Variants in RPS6KC1 observed in about 807,000 individuals in gnomAD.
RPS6KC1 encodes ribosomal protein S6 kinase C1, also known as inactive ribosomal protein S6 kinase delta-1.
In RPS6KC1, 54 loss-of-function variants were observed where a neutral mutation model predicts 103.8. That is an observed-to-expected ratio of 0.52 (90% CI 0.42 to 0.65). The LOEUF (loss-of-function observed/expected upper bound fraction) is 0.65, where lower values mean the gene tolerates loss of function less well. Among genes scored for constraint, RPS6KC1 ranks in the 30% least tolerant of loss-of-function variants. The probability of loss-of-function intolerance (pLI) is 0.00; values close to 1 mark genes in which losing one functional copy is unlikely to be tolerated. For synonymous variants in RPS6KC1, 439 were observed against 438.7 expected, an observed-to-expected ratio of 1.00 and a Z score of -0.01; for missense variants, 1,151 against 1,253.8, an observed-to-expected ratio of 0.92 and a Z score of 1.24.
At chr1:213,059,489 G>A (rs1332369333) in intron 1 of RPS6KC1, among the ~76,000 whole-genome samples, 2 of 152,040 alleles carry the variant, frequency 1.3e-5, no homozygotes, top group Non-Finnish European at 2.9e-5. Context: ...GAGTTTTTGT[G>A]TATGGGAGGC....
At chr1:213,802,418 G>A in the RPS6KC1 span, among the ~76,000 whole-genome samples, 1 of 152,128 alleles carries the variant, frequency 6.6e-6, no homozygotes, top group African/African-American at 2.4e-5. Context: ...GCTATTTGAT[G>A]GTAAAGATTC....
At chr1:213,334,110 A>C in the RPS6KC1 span, among the ~76,000 whole-genome samples, 2 of 152,206 alleles carry the variant, frequency 1.3e-5, no homozygotes, top group African/African-American at 2.4e-5. Context: ...GATGATAATA[A>C]TAACAATAGT....
In RPS6KC1 at chr1:213,274,435, G is replaced by A. The variant is rs1433637043; in HGVS notation, c.*1801G>A. ...ATGATTTGAGTCTCTTGGATTCAAA[G>A]GACATTAATGTCAACAGATGGTTGC... On this transcript the variant is annotated 3_prime_UTR_variant, in exon 15 of 15. Transcript: ENST00000366960. 6.6e-6 allele frequency: 1 copy of A among 152,218 alleles called. No individual in the cohort carries two copies. The highest frequency in any genetic ancestry group is 1.9e-4 in the East Asian group (1 of 5,198). The allele number at this position is 152,218 out of a possible 1,614,324, so 9.4% of individuals were successfully genotyped here. A position where few individuals can be genotyped will look rare whatever the true frequency, so the allele number is the denominator to read the frequency against.
the RPS6KC1 span, among the ~76,000 whole-genome samples, chr1:213,541,264 G>A: frequency 1.1e-4 from 17 of 150,578 alleles, no homozygotes; most frequent in Admixed American, 4.0e-4. Flanking sequence ...GGTGCAGTTC[G>A]TGGAGCCCCC....
intron 6 of RPS6KC1, among the ~76,000 whole-genome samples, chr1:213,138,277 AT>A (rs959171703): frequency 2.3e-4 from 34 of 148,256 alleles, no homozygotes; most frequent in Middle Eastern, 3.5e-3. Context: ...CACTTTGCAG[AT>A]TTTTTTTTTT....
At chr1:213,735,061 C>G in the RPS6KC1 span, among the ~76,000 whole-genome samples, 1 of 152,136 alleles carries the variant, frequency 6.6e-6, no homozygotes, top group Non-Finnish European at 1.5e-5. Context: ...GTGGCTGGGA[C>G]TACAGGCGCC....
the RPS6KC1 span, among the ~76,000 whole-genome samples, chr1:213,800,292 G>A: frequency 6.6e-6 from 1 of 152,154 alleles, no homozygotes; most frequent in Non-Finnish European, 1.5e-5. Context: ...CACAGTTACA[G>A]CTCTCCTAGA....
Position 213,167,990 on chromosome 1 carries a change from G to T in RPS6KC1, c.951+17G>T. 1 of 1,538,842 alleles carries T rather than the reference G, an allele frequency of 6.5e-7. No individual in the cohort carries two copies. Among genetic ancestry groups the T allele is most frequent in the Non-Finnish European group, 9.0e-7 (1 of 1,115,126 alleles). ...GTATCTCAGGTATGTCTCATATTTT[G>T]TTGTGTGTTTTCTTCAGTGATTTTT... On this transcript the variant is annotated intron_variant, in intron 7 of 14. Transcript: ENST00000366960.
the RPS6KC1 span, among the ~76,000 whole-genome samples, chr1:213,404,627 G>T: frequency 6.6e-6 from 1 of 152,100 alleles, no homozygotes; most frequent in Non-Finnish European, 1.5e-5. Context: ...ACCAGGTGGC[G>T]GGTGAAGCAA....
chr1:213,290,570 C>T, the RPS6KC1 span, among the ~76,000 whole-genome samples: 1 of 152,092 alleles, frequency 6.6e-6, no homozygotes, highest in East Asian at 1.9e-4. Flanking sequence ...TCAGCCTATT[C>T]TCTTTCCAAA....
chr1:213,099,705 A>G (rs552705312), intron 3 of RPS6KC1, among the ~76,000 whole-genome samples: 1 of 152,142 alleles, frequency 6.6e-6, no homozygotes, highest in Non-Finnish European at 1.5e-5. Flanking sequence ...TCTACTATAT[A>G]TTAGTTTTGT....
chr1:213,389,626 C>T, the RPS6KC1 span, among the ~76,000 whole-genome samples: 1 of 152,320 alleles, frequency 6.6e-6, no homozygotes, highest in Middle Eastern at 3.4e-3. Flanking sequence ...GGCTCCAGGT[C>T]CCCATGTGCT....
the RPS6KC1 span, among the ~76,000 whole-genome samples, chr1:213,406,355 CT>C: frequency 2.0e-5 from 3 of 151,292 alleles, no homozygotes; most frequent in African/African-American, 4.9e-5. Flanking sequence ...TTTTCCTTTC[CT>C]TTTTTTTTAG....
chr1:213,332,985 G>C, the RPS6KC1 span, among the ~76,000 whole-genome samples: 1 of 152,108 alleles, frequency 6.6e-6, no homozygotes, highest in Non-Finnish European at 1.5e-5. Flanking sequence ...GACATCAGAT[G>C]GGACTTCTCA....
At chr1:213,701,894 T>C in the RPS6KC1 span, among the ~76,000 whole-genome samples, 1 of 152,050 alleles carries the variant, frequency 6.6e-6, no homozygotes, top group African/African-American at 2.4e-5. Context: ...TTTGCATTGT[T>C]TACATCATTT....
chr1:213,787,622 G>A, the RPS6KC1 span, among the ~76,000 whole-genome samples: 4 of 152,168 alleles, frequency 2.6e-5, no homozygotes, highest in Admixed American at 6.6e-5. Flanking sequence ...AAGATAACTC[G>A]GTGATCTGGT....
intron 1 of RPS6KC1, 119 bp downstream of exon 1, chr1:213,051,628 C>T: frequency 1.4e-6 from 1 of 699,774 alleles, no homozygotes. Context: ...CTGGGTGCTG[C>T]TCCTACTGGC....
the RPS6KC1 span, among the ~76,000 whole-genome samples, chr1:213,709,393 A>T: frequency 6.6e-6 from 1 of 152,006 alleles, no homozygotes; most frequent in African/African-American, 2.4e-5. Flanking sequence ...ATCAATGGTG[A>T]TATCCTCTTT....
the RPS6KC1 span, among the ~76,000 whole-genome samples, chr1:213,319,312 CA>C: frequency 3.8e-4 from 34 of 90,556 alleles, no homozygotes; most frequent in African/African-American, 1.3e-3. Flanking sequence ...GACTCTGTCT[CA>C]AAAAAAAAAA....
Sources: allele counts gnomAD v4.1 joint callset (sites outside exome capture counted in the v4.1 genomes callset), GRCh38; gene constraint gnomAD v4.1.1; transcripts MANE v1.5; gene names NCBI Gene and HGNC (gene_info 2026-07-23, HGNC 2026-07-21).